Variants in ANKRD36C observed in about 807,000 individuals in gnomAD.
The protein encoded by ANKRD36C is ankyrin repeat domain 36C, also known as ankyrin repeat domain-containing protein 36C.
ANKRD36C carries 61 observed loss-of-function variants against 276.4 expected under a neutral mutation model. That is an observed-to-expected ratio of 0.22 (90% CI 0.18 to 0.27). ANKRD36C has a LOEUF of 0.27. Ranked by LOEUF, ANKRD36C falls within the 10% of genes least tolerant of loss-of-function variation. The pLI is 1.00. For missense variants in ANKRD36C, 1,447 were observed against 2,032.3 expected, an observed-to-expected ratio of 0.71 and a Z score of 5.54; for synonymous variants, 483 against 680.1, an observed-to-expected ratio of 0.71 and a Z score of 4.51.
intron 48 of ANKRD36C, among the ~76,000 whole-genome samples, 195 bp downstream of exon 68, chr2:95,889,603 TC>T (rs1490958009): frequency 2.6e-5 from 4 of 151,500 alleles, no homozygotes; most frequent in African/African-American, 9.7e-5. Flanking sequence ...AGTACAGACA[TC>T]TAAAATCTTA....
chr2:95,891,981 C>T (rs1573744777), intron 44 of ANKRD36C, 121 bp from the exon 65 acceptor site: 4 of 1,490,554 alleles, frequency 2.7e-6, no homozygotes, highest in Admixed American at 3.9e-5. Context: ...GCTTTGATGG[C>T]TTCTACTTTG....
At chr2:95,861,250 A>G (rs115656613) in intron 60 of ANKRD36C, among the ~76,000 whole-genome samples, 90 of 152,230 alleles carry the variant, frequency 5.9e-4, no homozygotes, top group Non-Finnish European at 6.6e-4. Flanking sequence ...ATTGTCACAA[A>G]TAAAAACTAT....
chr2:95,892,371 G>C (rs1676394517), intron 44 of ANKRD36C, among the ~76,000 whole-genome samples: 1 of 151,466 alleles, frequency 6.6e-6, no homozygotes, highest in Admixed American at 6.6e-5. Context: ...TTCAGTGGAA[G>C]TGTGCTAAAT....
intron 28 of ANKRD36C, among the ~76,000 whole-genome samples, chr2:95,925,762 A>T (rs1030157741): frequency 6.6e-6 from 1 of 151,596 alleles, no homozygotes; most frequent in African/African-American, 2.4e-5. Context: ...GAAATTACAA[A>T]GAGGTATTAT....
At chr2:95,903,375 A>C (rs1361136090) in intron 42 of ANKRD36C, among the ~76,000 whole-genome samples, 2 of 150,502 alleles carry the variant, frequency 1.3e-5, no homozygotes, top group African/African-American at 4.9e-5. Flanking sequence ...ATGAGGACAA[A>C]GTGATATAAA....
intron 42 of ANKRD36C, among the ~76,000 whole-genome samples, chr2:95,902,525 G>C (rs1383895320): frequency 1.3e-5 from 2 of 150,252 alleles, no homozygotes; most frequent in African/African-American, 4.9e-5. Flanking sequence ...ATCTTTTCTT[G>C]GCAGTACGAT....
chr2:95,919,524 T>C lies in ANKRD36C; in HGVS notation c.2246-1482A>G, dbSNP rs954520082. Among the ~76,000 whole-genome samples, 5 of 132,226 alleles carry C rather than the reference T, an allele frequency of 3.8e-5. 1 individual carries two copies. The highest frequency in any genetic ancestry group is 1.3e-4 in the African/African-American group (5 of 38,142). 86.7% of individuals were successfully genotyped at this position (132,226 alleles called of 152,430 possible). ...TCTTCCCAATTTCAATGTGGGAAAG[T>C]GTATAATCTTACTGCAAAGATCATG... On this transcript the variant is annotated intron_variant, in intron 34 of 66. Coordinates refer to ENST00000456556, the Ensembl canonical transcript of ANKRD36C.
chr2:95,894,819 A>G (rs990285736), intron 44 of ANKRD36C, among the ~76,000 whole-genome samples: 9 of 151,432 alleles, frequency 5.9e-5, no homozygotes, highest in Admixed American at 2.0e-4. Flanking sequence ...TGGAGCTGCC[A>G]AAATCAAATA....
intron 17 of ANKRD36C, among the ~76,000 whole-genome samples, chr2:95,945,802 A>G (rs1678031708): frequency 6.6e-6 from 1 of 152,304 alleles, no homozygotes; most frequent in Admixed American, 6.5e-5. Flanking sequence ...AAGTATCCTG[A>G]CAACAGAAAC....
chr2:95,924,549 T>C (rs187701107), intron 30 of ANKRD36C, among the ~76,000 whole-genome samples: 124 of 151,768 alleles, frequency 8.2e-4, no homozygotes, highest in African/African-American at 2.8e-3. Flanking sequence ...TGGAATATCA[T>C]TGTATTATAA....
At chr2:95,864,205 G>C (rs1476249543) in intron 60 of ANKRD36C, among the ~76,000 whole-genome samples, 1 of 152,024 alleles carries the variant, frequency 6.6e-6, no homozygotes, top group East Asian at 1.9e-4. Context: ...ATAATGAAAA[G>C]GTAATACATC....
At chr2:95,914,730 C>T (rs1399926573) in intron 38 of ANKRD36C, among the ~76,000 whole-genome samples, 1 of 151,438 alleles carries the variant, frequency 6.6e-6, no homozygotes, top group Non-Finnish European at 1.5e-5. Context: ...ATTCACCATG[C>T]TCTTTAACTT....
At chr2:95,859,565 C>CA (rs1675513152) in intron 61 of ANKRD36C, among the ~76,000 whole-genome samples, 1 of 152,002 alleles carries the variant, frequency 6.6e-6, no homozygotes, top group East Asian at 1.9e-4. Context: ...AGCATTATTA[C>CA]AAAAACTTTT....
In ANKRD36C at chr2:95,908,339, C is replaced by G. The variant is rs80193532; in HGVS notation, c.2653+3905G>C. ...CTTACGGCGAAGATCATGTTCCAGACCAGCAGCATCATCATCACCCAAGAA... is the reference window on the plus strand; with the variant it reads ...CTTACGGCGAAGATCATGTTCCAGAGCAGCAGCATCATCATCACCCAAGAA... On this transcript the variant is annotated intron_variant, in intron 42 of 66. Transcript: ENST00000456556. 2.6e-3 allele frequency among the ~76,000 whole-genome samples: 399 copies of G among 151,068 alleles called. 24 individuals carry two copies. The East Asian group carries it at 0.069, about 26-fold the overall frequency.
In ANKRD36C at chr2:95,919,846, A is replaced by G. The variant is rs1310591066; in HGVS notation, c.2245+1761T>C. 2.0e-6 allele frequency: 3 copies of G among 1,528,906 alleles called. 1 individual carries two copies. In the African/African-American group the frequency reaches 4.3e-5, roughly 22 times the overall value. 94.7% of individuals were successfully genotyped at this position (1,528,906 alleles called of 1,614,324 possible). A position where few individuals can be genotyped will look rare whatever the true frequency, so the allele number is the denominator to read the frequency against. ...AAGAAAATAATAAATAAATAAATCAATGAAGTATGTGTCATAGACTACAAT... is the reference window on the plus strand; with the variant it reads ...AAGAAAATAATAAATAAATAAATCAGTGAAGTATGTGTCATAGACTACAAT... On this transcript the variant is annotated intron_variant, in intron 34 of 66. Transcript: ENST00000456556.
At chr2:95,911,063 A>C (rs1010934032) in intron 42 of ANKRD36C, among the ~76,000 whole-genome samples, 3 of 151,524 alleles carry the variant, frequency 2.0e-5, no homozygotes, top group Admixed American at 6.6e-5. Flanking sequence ...CTTACACTTC[A>C]CATCTCTTCA....
At chr2:95,880,045 T>C (rs1676041728) in intron 58 of ANKRD36C, among the ~76,000 whole-genome samples, 1 of 138,866 alleles carries the variant, frequency 7.2e-6, no homozygotes, top group Non-Finnish European at 1.5e-5. Flanking sequence ...CCGGGCATGG[T>C]GGGGCATACC....
rs1404386981 is a variant in ANKRD36C at position 95,919,986 on chromosome 2, A to G, written c.2245+1621T>C. 7 of 1,480,946 alleles carry G rather than the reference A, an allele frequency of 4.7e-6. No individual in the cohort carries two copies. The Admixed American group carries it at 9.6e-5, about 20-fold the overall frequency. 91.7% of individuals were successfully genotyped at this position (1,480,946 alleles called of 1,614,324 possible). ...ATGATAAAGTTATCCATACATTCAC[A>G]CAGTGTTAGCATCAAGCTGTATCCT... is the stretch of plus-strand genomic sequence containing the variant. On this transcript the variant is annotated intron_variant, in intron 34 of 66. Coordinates refer to ENST00000456556, the Ensembl canonical transcript of ANKRD36C.
intron 20 of ANKRD36C, among the ~76,000 whole-genome samples, 183 bp from the exon 21 acceptor site, chr2:95,939,198 G>GA (rs1308984477): frequency 6.6e-6 from 1 of 152,324 alleles, no homozygotes; most frequent in East Asian, 2.0e-4. Flanking sequence ...ATATACACAT[G>GA]AAAAATCACA....
Sources: allele counts gnomAD v4.1 joint callset (sites outside exome capture counted in the v4.1 genomes callset), GRCh38; gene constraint gnomAD v4.1.1; transcripts MANE v1.5; gene names NCBI Gene and HGNC (gene_info 2026-07-23, HGNC 2026-07-21).